Variants in SLC30A8 observed in about 807,000 individuals in gnomAD.
SLC30A8 encodes proton-coupled zinc antiporter SLC30A8.
In SLC30A8, 27 loss-of-function variants were observed where a neutral mutation model predicts 36.9. That is an observed-to-expected ratio of 0.73 (90% CI 0.54 to 1.01). The LOEUF is 1.01. Among genes scored for constraint, SLC30A8 ranks in the 50% least tolerant of loss-of-function variants. The pLI is 0.00. For synonymous variants in SLC30A8, 164 were observed against 172.4 expected (o/e 0.95, Z 0.38); for missense variants, 439 against 452.0 (o/e 0.97, Z 0.26).
intron 1 of SLC30A8, among the ~76,000 whole-genome samples, chr8:116,969,660 C>G (rs970855685): frequency 1.3e-5 from 2 of 152,120 alleles, no homozygotes; most frequent in African/African-American, 4.8e-5. Context: ...GACTATCGCT[C>G]CTAGGCTGCA....
intron 2 of SLC30A8, among the ~76,000 whole-genome samples, chr8:117,061,942 G>A (rs1355529086): frequency 6.6e-6 from 1 of 152,210 alleles, no homozygotes; most frequent in Non-Finnish European, 1.5e-5. Context: ...AATAGGGCAG[G>A]TTACTGTGGC....
intron 2 of SLC30A8, among the ~76,000 whole-genome samples, chr8:117,092,423 A>T (rs79067682): frequency 0.057 from 8,617 of 152,010 alleles, 287 homozygotes; most frequent in East Asian, 0.12. Context: ...AAAAAAAAAA[A>T]CCCTTTGGAT....
intron 2 of SLC30A8, among the ~76,000 whole-genome samples, chr8:117,048,501 A>G (rs1393594825): frequency 1.3e-5 from 2 of 152,190 alleles, no homozygotes; most frequent in Non-Finnish European, 2.9e-5. Context: ...ATCTTTATGT[A>G]CCTATCACGG....
At chr8:117,149,034 T>G (rs996760481) in intron 2 of SLC30A8, among the ~76,000 whole-genome samples, 1 of 152,246 alleles carries the variant, frequency 6.6e-6, no homozygotes, top group African/African-American at 2.4e-5. Context: ...TTTCAATATT[T>G]ATATCTCTTT....
intron 1 of SLC30A8, among the ~76,000 whole-genome samples, chr8:116,956,367 G>A (rs954382782): frequency 2.0e-5 from 3 of 152,138 alleles, no homozygotes; most frequent in African/African-American, 7.2e-5. Context: ...TGAAGCTGAA[G>A]CATTTCTAGG....
At chr8:117,127,263 T>C (rs1209659304) in intron 2 of SLC30A8, among the ~76,000 whole-genome samples, 4 of 152,084 alleles carry the variant, frequency 2.6e-5, no homozygotes, top group Non-Finnish European at 5.9e-5. Flanking sequence ...CAGCTCATAC[T>C]TATAATTAGT....
intron 2 of SLC30A8, among the ~76,000 whole-genome samples, chr8:117,059,647 A>C (rs1343507786): frequency 1.3e-5 from 2 of 152,156 alleles, no homozygotes; most frequent in Non-Finnish European, 2.9e-5. Context: ...CTACTCCATC[A>C]TGTTGGTTTA....
intron 2 of SLC30A8, among the ~76,000 whole-genome samples, chr8:117,150,613 A>T (rs562702932): frequency 4.0e-5 from 6 of 150,802 alleles, no homozygotes; most frequent in African/African-American, 1.2e-4. Flanking sequence ...TTAAAAGAAA[A>T]TTTTTTTTTT....
chr8:117,120,888 A>G (rs893660327), intron 2 of SLC30A8, among the ~76,000 whole-genome samples: 2 of 151,884 alleles, frequency 1.3e-5, no homozygotes, highest in Admixed American at 1.3e-4. Context: ...AAGATGCTCA[A>G]TATCACTAAT....
chr8:117,079,942 C>T (rs899245774), intron 2 of SLC30A8, among the ~76,000 whole-genome samples: 1 of 152,182 alleles, frequency 6.6e-6, no homozygotes, highest in Admixed American at 6.5e-5. Flanking sequence ...GAACAAATAT[C>T]TCTAATTACT....
chr8:117,104,597 A>G (rs936111393), intron 2 of SLC30A8, among the ~76,000 whole-genome samples: 5 of 152,136 alleles, frequency 3.3e-5, no homozygotes, highest in African/African-American at 7.2e-5. Flanking sequence ...ATTGCCTTCA[A>G]TGTCCACATT....
intron 1 of SLC30A8, among the ~76,000 whole-genome samples, chr8:116,990,510 A>G (rs1385412012): frequency 6.6e-6 from 1 of 152,204 alleles, no homozygotes; most frequent in African/African-American, 2.4e-5. Flanking sequence ...AATCAAATCT[A>G]GGAGAATTCT....
intron 1 of SLC30A8, among the ~76,000 whole-genome samples, chr8:117,031,705 C>A (rs1817056049): frequency 6.6e-6 from 1 of 152,090 alleles, no homozygotes; most frequent in African/African-American, 2.4e-5. Context: ...TTCAGGTGAG[C>A]CGCCCACCTC....
In SLC30A8 at chr8:117,016,847, A is replaced by T. The variant is rs940972012; in HGVS notation, c.-265-22372A>T. The stretch of plus-strand genomic sequence containing the variant: ...TTCTGAAGCTTTCTCCATTGTTATG[A>T]TGATACTGCCATTCACATTTTAAAC... On this transcript the variant is annotated intron_variant, in intron 1 of 10. Coordinates refer to the SLC30A8 transcript ENST00000427715. Among the ~76,000 whole-genome samples, 12 of 152,324 alleles carry T rather than the reference A, an allele frequency of 7.9e-5. No homozygotes were observed. The South Asian group carries it at 2.5e-3, about 32-fold the overall frequency.
intron 2 of SLC30A8, among the ~76,000 whole-genome samples, chr8:117,116,944 A>G (rs1275320571): frequency 6.6e-6 from 1 of 151,996 alleles, no homozygotes; most frequent in Non-Finnish European, 1.5e-5. Context: ...TACCCCACCT[A>G]TACAGTCCTA....
chr8:117,134,032 C>A (rs1821248117), upstream of SLC30A8, among the ~76,000 whole-genome samples: 1 of 151,912 alleles, frequency 6.6e-6, no homozygotes, highest in South Asian at 2.1e-4. Flanking sequence ...TGATAGGAGA[C>A]CTAATAGTCT....
chr8:117,103,922 G>C (rs1366033376), intron 2 of SLC30A8, among the ~76,000 whole-genome samples: 1 of 152,048 alleles, frequency 6.6e-6, no homozygotes, highest in Non-Finnish European at 1.5e-5. Context: ...TCAAAACCCT[G>C]AATAGTCTTC....
At chr8:117,063,038 C>T (rs552465348) in intron 2 of SLC30A8, among the ~76,000 whole-genome samples, 2 of 152,248 alleles carry the variant, frequency 1.3e-5, no homozygotes, top group Admixed American at 6.5e-5. Context: ...TTAATGACTT[C>T]GAGTCCAACA....
At chr8:117,064,247 C>T (rs1180740737) in intron 2 of SLC30A8, among the ~76,000 whole-genome samples, 2 of 152,120 alleles carry the variant, frequency 1.3e-5, no homozygotes, top group East Asian at 1.9e-4. Flanking sequence ...CCACCTGCCT[C>T]GGCCTCCCAA....
Sources: gnomAD v4.1 joint callset for allele counts (sites outside exome capture counted in the v4.1 genomes callset) on GRCh38, gnomAD v4.1.1 for gene constraint, MANE v1.5 for transcripts, NCBI Gene and HGNC (gene_info 2026-07-23, HGNC 2026-07-21) for gene names.